The following CSMD1 variants were observed in gnomAD, a reference collection of about 807,000 sequenced individuals.
The protein encoded by CSMD1 is CUB and Sushi multiple domains 1, also known as CUB and sushi domain-containing protein 1.
A neutral mutation model predicts 417.5 loss-of-function variants in CSMD1; 213 were observed. The observed-to-expected ratio is 0.51, with a 90% confidence interval of 0.46 to 0.57. The LOEUF is 0.57. Ranked by LOEUF, CSMD1 falls within the 20% of genes least tolerant of loss-of-function variation. CSMD1 has a pLI of 0.00. For missense variants in CSMD1, 6,923 were observed against 4,529.7 expected, an observed-to-expected ratio of 1.53 and a Z score of -15.17; for synonymous variants, 2,862 against 1,736.8, an observed-to-expected ratio of 1.65 and a Z score of -16.11.
chr8:4,250,653 T>C (rs544346646), intron 3 of CSMD1, among the ~76,000 whole-genome samples: 3 of 152,290 alleles, frequency 2.0e-5, no homozygotes, highest in Non-Finnish European at 4.4e-5. Context: ...TTAGATACTA[T>C]TGTAATTATC....
chr8:4,361,950 G>C (rs566981657), intron 3 of CSMD1, among the ~76,000 whole-genome samples: 3 of 151,884 alleles, frequency 2.0e-5, no homozygotes, highest in Non-Finnish European at 2.9e-5. Flanking sequence ...GGGCAACACA[G>C]CAAGACTCCA....
At chr8:3,840,004 C>A (rs537429783) in intron 5 of CSMD1, among the ~76,000 whole-genome samples, 1 of 152,094 alleles carries the variant, frequency 6.6e-6, no homozygotes, top group East Asian at 1.9e-4. Context: ...AAGGTCATGT[C>A]AAAGCTAAGC....
intron 1 of CSMD1, among the ~76,000 whole-genome samples, chr8:4,743,489 G>C (rs146462288): frequency 3.3e-5 from 5 of 152,132 alleles, no homozygotes; most frequent in African/African-American, 1.2e-4. Flanking sequence ...ACACCGGAGC[G>C]TCAAGTACCA....
chr8:4,442,487 G>A (rs540835351), intron 2 of CSMD1, among the ~76,000 whole-genome samples: 52 of 152,146 alleles, frequency 3.4e-4, no homozygotes, highest in African/African-American at 1.1e-3. Context: ...TATTACATCT[G>A]TTATGTATAT....
At chr8:4,730,602 G>A (rs987366876) in intron 1 of CSMD1, among the ~76,000 whole-genome samples, 50 of 152,116 alleles carry the variant, frequency 3.3e-4, no homozygotes, top group African/African-American at 7.0e-4. Context: ...TTAGCCGGGC[G>A]TGGTGGCGGG....
intron 4 of CSMD1, among the ~76,000 whole-genome samples, chr8:4,012,709 T>A (rs780088106): frequency 6.6e-6 from 1 of 152,226 alleles, no homozygotes; most frequent in Non-Finnish European, 1.5e-5. Flanking sequence ...CTCCATAGAA[T>A]GTCTAAATAG....
intron 3 of CSMD1, among the ~76,000 whole-genome samples, chr8:4,355,211 G>A (rs1334516314): frequency 6.6e-6 from 1 of 151,806 alleles, no homozygotes; most frequent in Non-Finnish European, 1.5e-5. Flanking sequence ...GCAATGATCC[G>A]AGATCGCGCC....
chr8:3,941,542 T>C (rs1810883547), intron 5 of CSMD1, among the ~76,000 whole-genome samples: 1 of 152,168 alleles, frequency 6.6e-6, no homozygotes, highest in South Asian at 2.1e-4. Flanking sequence ...GTGCTCTCTC[T>C]CCGAGCAGTG....
intron 1 of CSMD1, among the ~76,000 whole-genome samples, chr8:4,982,624 G>A (rs1563928661): frequency 6.6e-6 from 1 of 152,170 alleles, no homozygotes; most frequent in Non-Finnish European, 1.5e-5. Context: ...AAGAAGAAAT[G>A]ATAGTCACTT....
chr8:4,519,477 C>G (rs930846368), intron 2 of CSMD1, among the ~76,000 whole-genome samples: 1 of 151,768 alleles, frequency 6.6e-6, no homozygotes, highest in African/African-American at 2.4e-5. Flanking sequence ...TGGTGGCTCA[C>G]GCCTGTAACC....
chr8:4,510,181 C>T (rs571098961), intron 2 of CSMD1, among the ~76,000 whole-genome samples: 5 of 152,070 alleles, frequency 3.3e-5, no homozygotes, highest in Non-Finnish European at 7.4e-5. Flanking sequence ...CTTTGCTCCT[C>T]ATTCACCTTC....
intron 7 of CSMD1, among the ~76,000 whole-genome samples, chr8:3,672,003 G>C (rs7815362): frequency 6.6e-5 from 10 of 152,076 alleles, no homozygotes; most frequent in African/African-American, 9.7e-5. Flanking sequence ...AAATAATTGA[G>C]AACACAAAAG....
At chr8:4,216,946 T>C (rs1800714502) in intron 3 of CSMD1, among the ~76,000 whole-genome samples, 1 of 152,130 alleles carries the variant, frequency 6.6e-6, no homozygotes, top group African/African-American at 2.4e-5. Context: ...CAACAAACCT[T>C]TTTTCAAAAT....
chr8:4,680,268 A>G (rs1805953978), intron 1 of CSMD1, among the ~76,000 whole-genome samples: 1 of 152,190 alleles, frequency 6.6e-6, no homozygotes, highest in East Asian at 1.9e-4. Flanking sequence ...ATGTTATGTT[A>G]TCACTAATAT....
intron 1 of CSMD1, chr8:4,788,009 T>C (rs879121206): frequency 5.7e-6 from 9 of 1,591,260 alleles, no homozygotes; most frequent in African/African-American, 1.3e-5. Flanking sequence ...GTTATCGGGA[T>C]CTCAAAGAAG....
chr8:4,973,936 A>T (rs1194500897), intron 1 of CSMD1, among the ~76,000 whole-genome samples: 1 of 152,206 alleles, frequency 6.6e-6, no homozygotes, highest in African/African-American at 2.4e-5. Flanking sequence ...AATAAAAAGG[A>T]AAAGTAATTT....
chr8:3,366,482 T>C (rs904711735), intron 20 of CSMD1, among the ~76,000 whole-genome samples: 1 of 152,212 alleles, frequency 6.6e-6, no homozygotes, highest in African/African-American at 2.4e-5. Flanking sequence ...GCAAATATTA[T>C]CTATATATTA....
At chr8:3,660,810 C>A (rs1798378007) in intron 7 of CSMD1, among the ~76,000 whole-genome samples, 1 of 152,102 alleles carries the variant, frequency 6.6e-6, no homozygotes, top group South Asian at 2.1e-4. Flanking sequence ...CGTGAGCCAC[C>A]CCGCCCGACT....
At chr8:3,275,707 C>T (rs990686380) in intron 26 of CSMD1, among the ~76,000 whole-genome samples, 4 of 152,208 alleles carry the variant, frequency 2.6e-5, no homozygotes, top group African/African-American at 9.7e-5. Context: ...ACCATTTCTT[C>T]CAGTTGATCG....
Sources: allele counts gnomAD v4.1 joint callset (sites outside exome capture counted in the v4.1 genomes callset), GRCh38; gene constraint gnomAD v4.1.1; transcripts MANE v1.5; gene names NCBI Gene and HGNC (gene_info 2026-07-23, HGNC 2026-07-21).